The following GAS7 variants were observed in gnomAD, a reference collection of about 807,000 sequenced individuals.
GAS7 encodes growth arrest specific 7.
GAS7 carries 28 observed loss-of-function variants against 71.1 expected under a neutral mutation model. The observed-to-expected ratio is 0.39, with a 90% CI of 0.29 to 0.54. The LOEUF is 0.54. Among genes scored for constraint, GAS7 ranks in the 20% least tolerant of loss-of-function variants. The pLI is 0.62. For synonymous variants in GAS7, 258 were observed against 245.8 expected (o/e 1.05, Z -0.46); for missense variants, 436 against 627.8 (o/e 0.69, Z 3.27).
At chr17:10,186,101 C>T (rs1344742130) in intron 1 of GAS7, among the ~76,000 whole-genome samples, 2 of 149,816 alleles carry the variant, frequency 1.3e-5, no homozygotes, top group Admixed American at 1.3e-4. Flanking sequence ...ACCACAGGTG[C>T]CCACCATGCC....
chr17:10,171,595 T>G (rs72810925), intron 1 of GAS7, among the ~76,000 whole-genome samples: 1 of 152,014 alleles, frequency 6.6e-6, no homozygotes, highest in African/African-American at 2.4e-5. Context: ...ATGAACAAGA[T>G]CCAAATGCAT....
At position 9,959,455 on chromosome 17, in the gene GAS7, G is replaced by C; in HGVS notation, c.472-200C>G. ...TCCCACGCCCAGCTCTCGGGCTGAA[G>C]GCGAATTAAGGAAGCCTCCTGCACA... On this transcript the variant is annotated intron_variant, in intron 4 of 13. Transcript: ENST00000432992. The surrounding 1 kb of genome is among the most constrained non-coding windows in gnomAD (Gnocchi z 5.0). The C allele has an allele frequency of 7.0e-7, 1 of 1,431,414 alleles. No homozygotes were observed. The highest frequency in any genetic ancestry group is 9.1e-7 in the Non-Finnish European group (1 of 1,095,470). The allele number at this position is 1,431,414 out of a possible 1,614,324, so 88.7% of individuals were successfully genotyped here.
At chr17:9,931,732 C>T (rs978826396) in intron 9 of GAS7, among the ~76,000 whole-genome samples, 1 of 152,288 alleles carries the variant, frequency 6.6e-6, no homozygotes, top group Admixed American at 6.5e-5. Flanking sequence ...GTTAGCATGC[C>T]TTCACTGGCT....
rs1263377307 is a variant in GAS7, at chr17:9,994,261, C to T, written c.305-12377G>A. 1.3e-3 allele frequency among the ~76,000 whole-genome samples: 194 copies of T among 150,510 alleles called. 1 individual carries two copies. Among genetic ancestry groups the T allele is most frequent in the African/African-American group, 4.4e-3 (183 of 41,322 alleles). On this transcript the variant is annotated intron_variant, in intron 2 of 13. Coordinates refer to ENST00000432992, the MANE Select transcript of GAS7 (RefSeq NM_201433.2). Reference sequence around the variant, plus strand: ...CAAAAGAACAAAGCTGGAGGCATCACGCTACCTGACTTCAAACTATACTAT... The same window carrying T: ...CAAAAGAACAAAGCTGGAGGCATCATGCTACCTGACTTCAAACTATACTAT...
At position 10,013,008 on chromosome 17, in the gene GAS7, C is replaced by T. The variant is rs2152193301; in HGVS notation, c.304+6769G>A. Reference sequence around the variant, plus strand: ...GTTCCAGCTACTCGGGAGGCCGAGGCAGGAGAATCGCTTGAATCCAGGAGA... The same window carrying T: ...GTTCCAGCTACTCGGGAGGCCGAGGTAGGAGAATCGCTTGAATCCAGGAGA... On this transcript the variant is annotated intron_variant, in intron 2 of 13. Transcript: ENST00000432992. Among the ~76,000 whole-genome samples, 3 of 150,528 alleles carry T rather than the reference C, an allele frequency of 2.0e-5. No homozygotes were observed. In the Admixed American group the frequency reaches 2.0e-4, roughly 10 times the overall value.
Position 9,974,183 on chromosome 17 carries a change from C to T in GAS7, c.386-4421G>A, listed in dbSNP as rs142268053. Among the ~76,000 whole-genome samples the T allele has an allele frequency of 8.3e-3, 1,270 of 152,346 alleles. 6 individuals are homozygous for T. The highest frequency in any genetic ancestry group is 0.029 in the African/African-American group (1,216 of 41,580). On this transcript the variant is annotated intron_variant, in intron 3 of 13. Transcript: ENST00000432992. This position sits in a 1 kb window ranked among gnomAD's most constrained non-coding sequence, Gnocchi z 4.0. ...AAAACAATTACGAGGAAAGAAAACACAGTTTTCCATTCGACCCTTTCTCCC... is the reference window on the plus strand; with the variant it reads ...AAAACAATTACGAGGAAAGAAAACATAGTTTTCCATTCGACCCTTTCTCCC...
At chr17:9,985,229 T>C (rs1163748485) in intron 2 of GAS7, among the ~76,000 whole-genome samples, 2 of 152,152 alleles carry the variant, frequency 1.3e-5, no homozygotes, top group African/African-American at 4.8e-5. Flanking sequence ...CCACTCACCC[T>C]AGAGCCCAGC....
intron 9 of GAS7, among the ~76,000 whole-genome samples, chr17:9,930,389 C>G (rs2068166603): frequency 6.6e-6 from 1 of 152,176 alleles, no homozygotes; most frequent in Non-Finnish European, 1.5e-5. Flanking sequence ...GTGACTTGCT[C>G]AAGGTCACAG....
chr17:10,194,739 C>T (rs1228174616), intron 1 of GAS7, among the ~76,000 whole-genome samples: 1 of 151,724 alleles, frequency 6.6e-6, no homozygotes, highest in African/African-American at 2.4e-5. Flanking sequence ...TTTGGGAGGC[C>T]GAGGCGGGTG....
At chr17:10,054,418 G>A (rs1029261050) in intron 1 of GAS7, among the ~76,000 whole-genome samples, 1 of 152,060 alleles carries the variant, frequency 6.6e-6, no homozygotes, top group African/African-American at 2.4e-5. Context: ...AGAGCATCTC[G>A]TTTTTGCAAG....
chr17:10,028,171 G>A (rs1014446873), intron 1 of GAS7, among the ~76,000 whole-genome samples: 1 of 152,168 alleles, frequency 6.6e-6, no homozygotes, highest in Non-Finnish European at 1.5e-5. Flanking sequence ...CTAAAGTGCT[G>A]GGATTACAGG....
chr17:10,069,472 A>G (rs1034745665), intron 1 of GAS7, among the ~76,000 whole-genome samples: 4 of 152,112 alleles, frequency 2.6e-5, no homozygotes, highest in African/African-American at 9.7e-5. Context: ...TTCACATAAT[A>G]ACCACCACTA....
At chr17:10,100,933 T>C (rs2073692465) in intron 1 of GAS7, among the ~76,000 whole-genome samples, 1 of 152,206 alleles carries the variant, frequency 6.6e-6, no homozygotes, top group Admixed American at 6.5e-5. Flanking sequence ...ATTGGTTATT[T>C]ACTGGGTGTA....
rs763540602 is a variant in GAS7 at position 10,198,090 on chromosome 17, G to GC, written c.183+117dup. On this transcript the variant is annotated intron_variant, in intron 1 of 13. Coordinates refer to ENST00000432992, the MANE Select transcript of GAS7 (RefSeq NM_201433.2). ...GCTACAGGTAGCGCCGGCAAGGGCT[G>GC]CCCCCCGGGGCGCCCCTCCGACCGG... 20 of 939,648 alleles carry GC rather than the reference G, an allele frequency of 2.1e-5. No individual in the cohort carries two copies. In the East Asian group the frequency reaches 2.2e-4, roughly 10 times the overall value. 58.2% of individuals were successfully genotyped at this position (939,648 alleles called of 1,614,324 possible).
chr17:9,948,848 C>T (rs891384623), intron 5 of GAS7, among the ~76,000 whole-genome samples: 1 of 152,220 alleles, frequency 6.6e-6, no homozygotes, highest in East Asian at 1.9e-4. Flanking sequence ...CAGATTCCCA[C>T]CTCTCCTAGG....
chr17:10,015,550 A>T (rs11870538), intron 2 of GAS7, among the ~76,000 whole-genome samples: 55,325 of 151,960 alleles, frequency 0.36, 12,421 homozygotes, highest in African/African-American at 0.64. Context: ...GGAGGTAAGA[A>T]AAACATGAGT....
At chr17:9,956,869 G>C (rs11655865) in intron 5 of GAS7, among the ~76,000 whole-genome samples, 94,403 of 152,026 alleles carry the variant, frequency 0.62, 29,761 homozygotes, top group African/African-American at 0.75. Context: ...CATCCCTTTC[G>C]CCCTGAGCAT....
Position 9,988,016 on chromosome 17 carries a change from A to G in GAS7, c.305-6132T>C, listed in dbSNP as rs184350677. ...CTGCTGCCCCCTGTGGTTATCAGGT[A>G]AAATAACCACAGATACCAGAGCAGA... On this transcript the variant is annotated intron_variant, in intron 2 of 13. Coordinates refer to ENST00000432992, the MANE Select transcript of GAS7 (RefSeq NM_201433.2). 7.2e-3 allele frequency among the ~76,000 whole-genome samples: 1,093 copies of G among 152,320 alleles called. 6 individuals are homozygous for G. Among genetic ancestry groups the G allele is most frequent in the Middle Eastern group, 0.01 (3 of 294 alleles).
intron 9 of GAS7, among the ~76,000 whole-genome samples, chr17:9,930,466 T>A (rs922831351): frequency 6.6e-6 from 1 of 152,216 alleles, no homozygotes; most frequent in Admixed American, 6.5e-5. Flanking sequence ...AATCTTCTGA[T>A]GGAACGCAGA....
Sources: gnomAD v4.1 joint callset for allele counts (sites outside exome capture counted in the v4.1 genomes callset) on GRCh38, gnomAD v4.1.1 for gene constraint, Gnocchi (gnomAD v3.1) non-coding constraint, MANE v1.5 for transcripts, NCBI Gene and HGNC (gene_info 2026-07-23, HGNC 2026-07-21) for gene names.